The following TMEM260 variants were observed in gnomAD, a reference collection of about 807,000 sequenced individuals.
The protein encoded by TMEM260 is protein O-mannosyl-transferase TMEM260.
TMEM260 carries 82 observed loss-of-function variants against 88.9 expected under a neutral mutation model. The observed-to-expected ratio is 0.92, with a 90% CI of 0.77 to 1.11. The LOEUF (loss-of-function observed/expected upper bound fraction) is 1.11. Among genes scored for constraint, TMEM260 ranks in the 50% least tolerant of loss-of-function variants. The pLI is 0.00. For synonymous variants in TMEM260, 314 were observed against 309.3 expected, an observed-to-expected ratio of 1.02 and a Z score of -0.16; for missense variants, 902 against 853.4, an observed-to-expected ratio of 1.06 and a Z score of -0.71.
At chr14:56,625,651 G>A in intron 12 of TMEM260, 121 bp downstream of exon 12, 1 of 682,342 alleles carries the variant, frequency 1.5e-6, no homozygotes, top group East Asian at 2.8e-5. Flanking sequence ...TGTCACTGGT[G>A]AGATTATCTT....
intron 3 of TMEM260, among the ~76,000 whole-genome samples, chr14:56,597,351 A>G (rs1356061399): frequency 2.6e-5 from 4 of 152,220 alleles, no homozygotes; most frequent in Admixed American, 6.5e-5. Flanking sequence ...GAAAAAATCC[A>G]AAATTTGAAA....
At chr14:56,661,534 AGGAG>A in the TMEM260 span, among the ~76,000 whole-genome samples, 1,090 of 107,840 alleles carry the variant, frequency 0.01, 9 homozygotes, top group Middle Eastern at 0.015. Flanking sequence ...GAAGGAGGAA[AGGAG>A]GGAGGGAGGG....
intron 5 of TMEM260, among the ~76,000 whole-genome samples, chr14:56,608,145 A>T (rs953260010): frequency 3.9e-5 from 6 of 152,178 alleles, no homozygotes; most frequent in Non-Finnish European, 8.8e-5. Flanking sequence ...AAAACACTTC[A>T]TTTTCAATTA....
chr14:56,661,727 T>C, the TMEM260 span, among the ~76,000 whole-genome samples: 9 of 152,194 alleles, frequency 5.9e-5, no homozygotes, highest in Non-Finnish European at 1.2e-4. Flanking sequence ...AGAGGAATAA[T>C]TGTCCTTTCT....
intron 3 of TMEM260, among the ~76,000 whole-genome samples, chr14:56,593,677 CTTTTTTTTTTTTTT>C (rs34268894): frequency 6.3e-5 from 4 of 63,506 alleles, no homozygotes; most frequent in East Asian, 4.7e-4. Flanking sequence ...AGGTGAGTGT[CTTTTTTTTTTTTTT>C]TTTTTTTTTT....
chr14:56,646,473 C>G (rs1889973927), intron 15 of TMEM260, among the ~76,000 whole-genome samples: 1 of 151,850 alleles, frequency 6.6e-6, no homozygotes, highest in Non-Finnish European at 1.5e-5. Flanking sequence ...TTCCATTTTG[C>G]AGATTTGTGT....
chr14:56,650,287 T>A, downstream of TMEM260: 2 of 327,358 alleles, frequency 6.1e-6, no homozygotes, highest in Non-Finnish European at 1.2e-5. Context: ...AGTGAAACTG[T>A]CTGACTCTCC....
At chr14:56,656,668 G>A in the TMEM260 span, among the ~76,000 whole-genome samples, 1 of 152,040 alleles carries the variant, frequency 6.6e-6, no homozygotes, top group South Asian at 2.1e-4. Flanking sequence ...CTGGTACTTT[G>A]CTTGTCTCTC....
chr14:56,636,441 AT>A, intron 14 of TMEM260, 66 bp from the exon 15 acceptor site: 1 of 1,281,680 alleles, frequency 7.8e-7, no homozygotes, highest in Non-Finnish European at 1.1e-6. Flanking sequence ...AGCCTGGAAG[AT>A]TTAGCTAGCC....
At position 56,647,575 on chromosome 14, in the gene TMEM260, G is replaced by GAAAC; in HGVS notation, c.*79_*82dup. 2 of 1,470,350 alleles carry GAAAC rather than the reference G, an allele frequency of 1.4e-6. No individual in the cohort carries two copies. The highest frequency in any genetic ancestry group is 1.8e-6 in the Non-Finnish European group (2 of 1,108,742). The allele number at this position is 1,470,350 out of a possible 1,614,324, so 91.1% of individuals were successfully genotyped here. On this transcript the variant is annotated 3_prime_UTR_variant, in exon 16 of 16. Transcript: ENST00000261556. ...TCTGGAAGTTTTTCCTTCAAGAAAA[G>GAAAC]AAACTGCATAAAAAATTTAAAACTA...
intron 15 of TMEM260, among the ~76,000 whole-genome samples, chr14:56,639,355 A>G (rs1245484717): frequency 6.6e-6 from 1 of 152,182 alleles, no homozygotes; most frequent in Non-Finnish European, 1.5e-5. Flanking sequence ...GAGGTGATGG[A>G]TACCCCATTT....
rs1890057087 is a variant in TMEM260, at chr14:56,647,751, C to A, written c.*254C>A. ...AAGCTTTTGAAAAGTCTTCTGACTT[C>A]CAGTCTTTCACCAGATGACTGCACT... On this transcript the variant is annotated 3_prime_UTR_variant, in exon 16 of 16. Transcript: ENST00000261556. 2.2e-6 allele frequency: 1 copy of A among 447,950 alleles called. No individual in the cohort carries two copies. Among genetic ancestry groups the A allele is most frequent in the Non-Finnish European group, 3.9e-6 (1 of 253,190 alleles). The allele number at this position is 447,950 out of a possible 1,614,324, so 27.7% of individuals were successfully genotyped here. A position where few individuals can be genotyped will look rare whatever the true frequency, so the allele number is the denominator to read the frequency against.
intron 1 of TMEM260, among the ~76,000 whole-genome samples, chr14:56,584,581 T>G (rs1262677266): frequency 6.6e-6 from 1 of 152,156 alleles, no homozygotes; most frequent in Non-Finnish European, 1.5e-5. Context: ...TGGGACATTT[T>G]ATGGAGTGTC....
chr14:56,626,337 A>G (rs1274738573), intron 12 of TMEM260, among the ~76,000 whole-genome samples: 1 of 152,150 alleles, frequency 6.6e-6, no homozygotes, highest in Non-Finnish European at 1.5e-5. Context: ...TAATTATTCT[A>G]TTCTAGATAA....
chr14:56,585,684 C>G (rs1361378640), intron 2 of TMEM260, 77 bp from the exon 3 acceptor site: 1 of 1,395,934 alleles, frequency 7.2e-7, no homozygotes, highest in African/African-American at 1.4e-5. Flanking sequence ...GAGAAAAGGG[C>G]TACTTTTCAA....
intron 3 of TMEM260, among the ~76,000 whole-genome samples, chr14:56,602,701 A>G (rs1191037092): frequency 6.6e-6 from 1 of 151,448 alleles, no homozygotes; most frequent in African/African-American, 2.4e-5. Context: ...AAGAACGGGA[A>G]GCTGAAAGAA....
intron 10 of TMEM260, among the ~76,000 whole-genome samples, chr14:56,620,236 G>A (rs1887831698): frequency 6.6e-6 from 1 of 152,120 alleles, no homozygotes; most frequent in Admixed American, 6.5e-5. Flanking sequence ...AACAAACCCT[G>A]TGACGTGAAT....
At chr14:56,644,496 A>G (rs1055496449) in intron 15 of TMEM260, among the ~76,000 whole-genome samples, 1 of 152,186 alleles carries the variant, frequency 6.6e-6, no homozygotes, top group African/African-American at 2.4e-5. Flanking sequence ...CTTATACAAA[A>G]ATTAATTCAA....
chr14:56,650,137 C>T (rs1428300923), downstream of TMEM260: 3 of 454,208 alleles, frequency 6.6e-6, no homozygotes, highest in Non-Finnish European at 8.8e-6. Flanking sequence ...ATTGAGGAGA[C>T]TGTAATGGAG....
Sources: allele counts gnomAD v4.1 joint callset (sites outside exome capture counted in the v4.1 genomes callset), GRCh38; gene constraint gnomAD v4.1.1; transcripts MANE v1.5; gene names NCBI Gene and HGNC (gene_info 2026-07-23, HGNC 2026-07-21).